The following ABR variants were observed in gnomAD, a reference collection of about 807,000 sequenced individuals.
ABR encodes the protein ABR activator of RhoGEF and GTPase, also known as active breakpoint cluster region-related protein.
A neutral mutation model predicts 107.2 loss-of-function variants in ABR; 35 were observed. The observed-to-expected ratio is 0.33, with a 90% CI of 0.25 to 0.43. The LOEUF is 0.43. Ranked by LOEUF, ABR falls within the 20% of genes least tolerant of loss-of-function variation. The probability of loss-of-function intolerance (pLI) is 1.00; values close to 1 mark genes in which losing one functional copy is unlikely to be tolerated. For missense variants in ABR, 815 were observed against 1,115.2 expected (o/e 0.73, Z 3.83); for synonymous variants, 498 against 462.0 (o/e 1.08, Z -1.00).
intron 16 of ABR, among the ~76,000 whole-genome samples, chr17:1,028,130 GC>G (rs1309323133): frequency 1.3e-5 from 2 of 152,080 alleles, no homozygotes; most frequent in Non-Finnish European, 2.9e-5. Context: ...TCGCTCTGTT[GC>G]CCAGGCTGGA....
At chr17:1,203,113 C>T (rs372808418) in intron 1 of ABR, among the ~76,000 whole-genome samples, 1 of 152,002 alleles carries the variant, frequency 6.6e-6, no homozygotes. Flanking sequence ...CTCGAACTCC[C>T]GACCTCAGGT....
At chr17:1,135,799 C>CCGGGAGG (rs753778026) in intron 1 of ABR, among the ~76,000 whole-genome samples, 3 of 152,110 alleles carry the variant, frequency 2.0e-5, no homozygotes, top group Non-Finnish European at 4.4e-5. Context: ...TCACTTGAAC[C>CCGGGAGG]CGGGAGGCGG....
intron 16 of ABR, among the ~76,000 whole-genome samples, chr17:1,019,099 G>A (rs532749798): frequency 3.9e-5 from 6 of 152,248 alleles, no homozygotes; most frequent in African/African-American, 1.4e-4. Flanking sequence ...GGCAGACCTG[G>A]TGCTGGGAGG....
intron 2 of ABR, among the ~76,000 whole-genome samples, chr17:1,105,718 T>A (rs570718291): frequency 2.0e-5 from 3 of 151,940 alleles, no homozygotes; most frequent in Non-Finnish European, 4.4e-5. Context: ...TACAAAAATA[T>A]AAAAATTAGC....
chr17:1,099,365 G>A (rs1039622631), intron 3 of ABR, among the ~76,000 whole-genome samples: 2 of 152,120 alleles, frequency 1.3e-5, no homozygotes, highest in African/African-American at 2.4e-5. Flanking sequence ...ACTGAGCCAC[G>A]GCGCCCGGCC....
chr17:1,019,300 T>C (rs1321629787), intron 16 of ABR, among the ~76,000 whole-genome samples: 1 of 152,106 alleles, frequency 6.6e-6, no homozygotes, highest in African/African-American at 2.4e-5. Context: ...CTCTCTGCCT[T>C]CCTGCTCCAC....
At chr17:1,074,811 T>G (rs889991214) in intron 6 of ABR, among the ~76,000 whole-genome samples, 1 of 152,166 alleles carries the variant, frequency 6.6e-6, no homozygotes. Context: ...CCAGGCGTGG[T>G]GGCACATGCC....
intron 16 of ABR, among the ~76,000 whole-genome samples, chr17:1,016,521 G>C (rs2663324): frequency 0.25 from 38,117 of 151,656 alleles, 5,475 homozygotes; most frequent in African/African-American, 0.34. Flanking sequence ...TCACCATGTT[G>C]GCCAGGCTGG....
intron 16 of ABR, among the ~76,000 whole-genome samples, chr17:1,013,917 C>T (rs950075352): frequency 6.6e-6 from 1 of 152,232 alleles, no homozygotes; most frequent in East Asian, 1.9e-4. Context: ...CGGGGGCCTT[C>T]GCGCCCGTCT....
upstream of ABR, among the ~76,000 whole-genome samples, chr17:1,180,476 A>T (rs918676262): frequency 9.9e-5 from 15 of 151,882 alleles, no homozygotes; most frequent in Non-Finnish European, 1.9e-4. Flanking sequence ...CTGACCTCTG[A>T]GCGCGGCCGT....
chr17:1,010,426 T>G lies in ABR; in HGVS notation c.2236+303A>C, dbSNP rs2070431403. The G allele has an allele frequency of 9.7e-6, 4 of 412,200 alleles. No homozygotes were observed. Among genetic ancestry groups the G allele is most frequent in the Admixed American group, 7.7e-5 (2 of 26,080 alleles). 25.5% of individuals were successfully genotyped at this position (412,200 alleles called of 1,614,324 possible). A position where few individuals can be genotyped will look rare whatever the true frequency, so the allele number is the denominator to read the frequency against. Reference sequence around the variant, plus strand: ...GGATGCTGGCTTCTGGCCACTCACCTCAGGGCAGTCTTCCCTGGATGCTCG... The same window carrying G: ...GGATGCTGGCTTCTGGCCACTCACCGCAGGGCAGTCTTCCCTGGATGCTCG... On this transcript the variant is annotated intron_variant, in intron 20 of 22. Transcript: ENST00000302538. The surrounding 1 kb of genome is among the most constrained non-coding windows in gnomAD (Gnocchi z 4.1).
chr17:1,012,602 G>A (rs1441421241), intron 18 of ABR, 86 bp downstream of exon 18: 2 of 973,688 alleles, frequency 2.1e-6, no homozygotes, highest in Non-Finnish European at 3.2e-6. Flanking sequence ...GCCAGGATGG[G>A]CACCGGCGGG....
intron 16 of ABR, among the ~76,000 whole-genome samples, chr17:1,025,823 G>A (rs75321172): frequency 0.016 from 2,365 of 152,232 alleles, 59 homozygotes; most frequent in East Asian, 0.12. Flanking sequence ...ACAGGGTCTC[G>A]TCTGTCTCGG....
intron 16 of ABR, among the ~76,000 whole-genome samples, chr17:1,035,249 T>G (rs537895179): frequency 1.3e-5 from 2 of 151,424 alleles, no homozygotes; most frequent in East Asian, 1.9e-4. Flanking sequence ...GGACCCCTCC[T>G]CATCTCTGCT....
chr17:1,164,752 G>A (rs545565638), intron 1 of ABR, among the ~76,000 whole-genome samples: 11 of 151,880 alleles, frequency 7.2e-5, no homozygotes, highest in South Asian at 4.2e-4. Flanking sequence ...CTGAAGCCTC[G>A]ACTTCCCCAG....
rs1477272022 is a variant in ABR at position 1,079,334 on chromosome 17, C to T, written c.696G>A (p.Met232Ile). 1 of 1,613,468 alleles carries T rather than the reference C, an allele frequency of 6.2e-7. No individual in the cohort carries two copies. Among genetic ancestry groups the T allele is most frequent in the Non-Finnish European group, 8.5e-7 (1 of 1,179,690 alleles). ...CCAGCCCGCTCCCCGAGGTACCTTC[C>T]ATGGTGACAGACGTGTGGCTGTCCT... is the stretch of plus-strand genomic sequence containing the variant. ...DSKDSHTSVT[M>I]EALLYKPIDR... Residue 232 changes from methionine to isoleucine, a missense_variant, in exon 6 of 23, where the codon ATG becomes ATA. Met to Ile is a conservative substitution (Grantham distance 10). Coordinates refer to ENST00000302538, the MANE Select transcript of ABR (RefSeq NM_021962.5).
At chr17:1,014,724 T>C (rs1225910614) in intron 16 of ABR, among the ~76,000 whole-genome samples, 2 of 150,402 alleles carry the variant, frequency 1.3e-5, no homozygotes, top group African/African-American at 2.4e-5. Context: ...TGGGCGCCTG[T>C]AGTCCCAGCT....
intron 16 of ABR, among the ~76,000 whole-genome samples, chr17:1,018,064 A>T (rs1294395398): frequency 6.6e-6 from 1 of 150,630 alleles, no homozygotes; most frequent in African/African-American, 2.5e-5. Context: ...TATTTTTGAG[A>T]CGGAGTCTTG....
At chr17:1,141,025 A>G (rs1186975790) in intron 1 of ABR, among the ~76,000 whole-genome samples, 2 of 152,166 alleles carry the variant, frequency 1.3e-5, no homozygotes. Flanking sequence ...TGTGAAAATG[A>G]CATTAAATAA....
Sources: gnomAD v4.1 joint callset for allele counts (sites outside exome capture counted in the v4.1 genomes callset) on GRCh38, gnomAD v4.1.1 for gene constraint, Gnocchi (gnomAD v3.1) non-coding constraint, MANE v1.5 for transcripts, NCBI Gene and HGNC (gene_info 2026-07-23, HGNC 2026-07-21) for gene names.